The following ARAP2 variants were observed in gnomAD, a reference collection of about 807,000 sequenced individuals.
The protein encoded by ARAP2 is ArfGAP with RhoGAP domain, ankyrin repeat and PH domain 2, also known as arf-GAP with Rho-GAP domain, ANK repeat and PH domain-containing protein 2.
In ARAP2, 148 loss-of-function variants were observed where a neutral mutation model predicts 194.5. That is an observed-to-expected ratio of 0.76 (90% CI 0.67 to 0.87). ARAP2 has a LOEUF of 0.87. ARAP2 is among the 40% of genes least tolerant of loss of function. The probability of loss-of-function intolerance (pLI) is 0.00; values close to 1 mark genes in which losing one functional copy is unlikely to be tolerated. For synonymous variants in ARAP2, 695 were observed against 683.5 expected, an observed-to-expected ratio of 1.02 and a Z score of -0.26; for missense variants, 2,128 against 1,989.7, an observed-to-expected ratio of 1.07 and a Z score of -1.32.
At chr4:36,187,855 G>A (rs939454992) in intron 7 of ARAP2, among the ~76,000 whole-genome samples, 3 of 152,180 alleles carry the variant, frequency 2.0e-5, no homozygotes, top group African/African-American at 7.2e-5. Context: ...TAGCAATACA[G>A]AGTTCCAAAA....
At chr4:36,038,826 T>G (rs1298287239) in intron 5 of ARAP2, among the ~76,000 whole-genome samples, 1 of 152,212 alleles carries the variant, frequency 6.6e-6, no homozygotes, top group Non-Finnish European at 1.5e-5. Context: ...ATTGGGCTAT[T>G]CAACAGTGAC....
At chr4:36,232,154 G>A (rs1193538262) in intron 1 of ARAP2, among the ~76,000 whole-genome samples, 1 of 152,124 alleles carries the variant, frequency 6.6e-6, no homozygotes, top group Non-Finnish European at 1.5e-5. Flanking sequence ...AAATTTACGT[G>A]GTTTAAGCTA....
chr4:36,131,449 T>C (rs540402753), intron 20 of ARAP2, among the ~76,000 whole-genome samples: 2 of 151,302 alleles, frequency 1.3e-5, no homozygotes, highest in East Asian at 1.9e-4. Context: ...TGTACACATA[T>C]GTGTGTACAT....
intron 9 of ARAP2, among the ~76,000 whole-genome samples, chr4:36,174,527 A>ATCTT (rs1737381586): frequency 1.3e-5 from 2 of 152,122 alleles, no homozygotes; most frequent in African/African-American, 2.4e-5. Context: ...AAGCCTAAAG[A>ATCTT]TAGGCTTTAA....
chr4:36,217,983 T>C (rs1748342268), intron 2 of ARAP2, among the ~76,000 whole-genome samples: 1 of 151,400 alleles, frequency 6.6e-6, no homozygotes, highest in Non-Finnish European at 1.5e-5. Context: ...AACAAACTGA[T>C]TCTAAAATAC....
intron 26 of ARAP2, among the ~76,000 whole-genome samples, chr4:36,112,267 A>C (rs868161853): frequency 6.6e-6 from 1 of 151,984 alleles, no homozygotes; most frequent in East Asian, 1.9e-4. Flanking sequence ...GCCCTAAAAA[A>C]AGTATAGTCT....
At chr4:36,147,842 G>A in intron 17 of ARAP2, 96 bp from the exon 18 acceptor site, 1 of 1,080,182 alleles carries the variant, frequency 9.3e-7, no homozygotes, top group South Asian at 1.8e-5. Context: ...AATTATCTTA[G>A]TTTTTCAATT....
chr4:36,074,203 G>A (rs886118612), intron 31 of ARAP2, among the ~76,000 whole-genome samples: 4 of 152,020 alleles, frequency 2.6e-5, no homozygotes, highest in Non-Finnish European at 5.9e-5. Flanking sequence ...TGATTTCAGT[G>A]TAAAAATAAT....
At chr4:36,053,193 G>C (rs921744300) in intron 2 of ARAP2, among the ~76,000 whole-genome samples, 1 of 151,940 alleles carries the variant, frequency 6.6e-6, no homozygotes, top group Admixed American at 6.6e-5. Context: ...TTTTAGTAGA[G>C]AGTGGTTTTA....
rs1032606113 is a variant in ARAP2 at position 36,092,547 on chromosome 4, T to C, written c.4286-527A>G. ...ATAGCTTGAACCCAGGAGGCAGAGG[T>C]TGCAGTGAGCTGAGACTGTGCCATT... On this transcript the variant is annotated intron_variant, in intron 27 of 32. Coordinates refer to ENST00000303965, the MANE Select transcript of ARAP2 (RefSeq NM_015230.4). Among the ~76,000 whole-genome samples, 3 of 152,172 alleles carry C rather than the reference T, an allele frequency of 2.0e-5. No homozygotes were observed. The East Asian group carries it at 5.8e-4, about 29-fold the overall frequency.
chr4:36,148,326 T>G, intron 17 of ARAP2, 79 bp downstream of exon 17: 1 of 1,030,302 alleles, frequency 9.7e-7, no homozygotes, highest in Non-Finnish European at 1.4e-6. Context: ...AAAACTTTCA[T>G]GGACCCCTGA....
chr4:36,240,201 G>A (rs967325194), intron 1 of ARAP2, among the ~76,000 whole-genome samples: 5 of 152,034 alleles, frequency 3.3e-5, no homozygotes, highest in African/African-American at 4.8e-5. Context: ...CACCATAAAC[G>A]TTGGCTAATA....
intron 5 of ARAP2, among the ~76,000 whole-genome samples, chr4:36,036,687 A>T (rs1402861699): frequency 6.6e-6 from 1 of 152,132 alleles, no homozygotes; most frequent in Non-Finnish European, 1.5e-5. Flanking sequence ...ATCATACAAG[A>T]TAAAATTTTA....
chr4:36,048,673 G>C (rs1722194988), intron 3 of ARAP2, among the ~76,000 whole-genome samples: 1 of 152,070 alleles, frequency 6.6e-6, no homozygotes. Flanking sequence ...GGACATAACA[G>C]GTACATATGC....
At position 36,166,078 on chromosome 4, in the gene ARAP2, A is replaced by C. The variant is rs539768450; in HGVS notation, c.1973+854T>G. Among the ~76,000 whole-genome samples the C allele has an allele frequency of 2.0e-5, 3 of 152,270 alleles. No individual in the cohort carries two copies. The South Asian group carries it at 6.2e-4, about 32-fold the overall frequency. ...TTTGGCTAGAATCTGCAAATGTAAAAATAAAGCTTGTTAATTTTATGCAAC... is the reference window on the plus strand; with the variant it reads ...TTTGGCTAGAATCTGCAAATGTAAACATAAAGCTTGTTAATTTTATGCAAC... On this transcript the variant is annotated intron_variant, in intron 10 of 32. Coordinates refer to ENST00000303965, the MANE Select transcript of ARAP2 (RefSeq NM_015230.4).
chr4:36,070,151 A>G (rs1258683213), intron 32 of ARAP2, among the ~76,000 whole-genome samples: 3 of 152,218 alleles, frequency 2.0e-5, no homozygotes, highest in Non-Finnish European at 4.4e-5. Flanking sequence ...TAATACATCT[A>G]TAATATTAGC....
Position 36,073,751 on chromosome 4 carries a change from C to T in ARAP2, c.4681G>A (p.Gly1561Ser), listed in dbSNP as rs148293064. 3.2e-4 allele frequency: 519 copies of T among 1,613,310 alleles called. 4 individuals carry two copies. In the African/African-American group the frequency reaches 6.1e-3, roughly 19 times the overall value. The change falls in exon 32 of 33, where the codon GGT becomes AGT. Residue 1561 changes from glycine (G) to serine (S), a missense_variant. By Grantham distance (56) the Gly-to-Ser change is moderately conservative (BLOSUM62 0). Transcript: ENST00000303965. ...RSITKNPKIG[G>S]LPLIPIQHEG... ...TGCTGTATAGGAATCAGAGGCAAAC[C>T]TCCAATTTTGGGATTTTTGGTTATT...
intron 9 of ARAP2, among the ~76,000 whole-genome samples, chr4:36,009,541 G>T (rs2109305059): frequency 6.6e-6 from 1 of 152,122 alleles, no homozygotes; most frequent in South Asian, 2.1e-4. Context: ...AGAGGGTAAG[G>T]ATTGGATACT....
At chr4:36,162,474 C>T (rs1481179079) in intron 11 of ARAP2, among the ~76,000 whole-genome samples, 1 of 152,022 alleles carries the variant, frequency 6.6e-6, no homozygotes. Flanking sequence ...AGCAACCAGG[C>T]TATGTCAGAT....
Sources: allele counts gnomAD v4.1 joint callset (sites outside exome capture counted in the v4.1 genomes callset), GRCh38; gene constraint gnomAD v4.1.1; transcripts MANE v1.5; gene names NCBI Gene and HGNC (gene_info 2026-07-23, HGNC 2026-07-21).